BCAR3: variants seen among roughly 807,000 people sequenced by gnomAD.
BCAR3 encodes breast cancer anti-estrogen resistance protein 3.
In BCAR3, 37 loss-of-function variants were observed where a neutral mutation model predicts 80.1. The ratio of observed to expected loss-of-function variants is 0.46; its 90% confidence interval spans 0.36 to 0.61. The LOEUF is 0.61. BCAR3 is among the 20% of genes least tolerant of loss of function. The probability of loss-of-function intolerance (pLI) is 0.00; values close to 1 mark genes in which losing one functional copy is unlikely to be tolerated. For synonymous variants in BCAR3, 389 were observed against 418.9 expected (o/e 0.93, Z 0.87); for missense variants, 978 against 1,068.2 (o/e 0.92, Z 1.18).
intron 2 of BCAR3, among the ~76,000 whole-genome samples, chr1:93,787,817 C>A (rs984422300): frequency 6.6e-6 from 1 of 152,168 alleles, no homozygotes; most frequent in Non-Finnish European, 1.5e-5. Context: ...CTGTAAATAT[C>A]TGTTAAGTCC....
intron 2 of BCAR3, among the ~76,000 whole-genome samples, chr1:93,733,681 C>T (rs949756243): frequency 9.2e-5 from 14 of 152,178 alleles, no homozygotes; most frequent in Admixed American, 5.2e-4. Context: ...TGTGTGCACA[C>T]GCATGCACCT....
chr1:93,829,403 A>G (rs1436096827), intron 2 of BCAR3, among the ~76,000 whole-genome samples: 1 of 152,162 alleles, frequency 6.6e-6, no homozygotes, highest in Non-Finnish European at 1.5e-5. Flanking sequence ...GGGAGATGCC[A>G]TACTGAATGT....
intron 2 of BCAR3, among the ~76,000 whole-genome samples, chr1:93,664,865 G>A (rs1264651174): frequency 2.0e-5 from 3 of 152,220 alleles, no homozygotes; most frequent in African/African-American, 7.2e-5. Flanking sequence ...TCTGATAAAA[G>A]CAGATGCTTT....
rs976507088 is a variant in BCAR3, at chr1:93,609,663, T to C, written c.358-17270A>G. On this transcript the variant is annotated intron_variant, in intron 3 of 11. Transcript: ENST00000260502. ...CCCAGAAATGTGACCCATTGTGCTT[T>C]TTACCAAGTTCCTCCTCTAGCTCAC... Among the ~76,000 whole-genome samples the C allele has an allele frequency of 3.9e-5, 6 of 152,262 alleles. No individual in the cohort carries two copies. In the South Asian group the frequency reaches 6.2e-4, roughly 16 times the overall value.
intron 3 of BCAR3, among the ~76,000 whole-genome samples, chr1:93,626,173 GC>G (rs1675451695): frequency 1.3e-5 from 2 of 152,084 alleles, no homozygotes; most frequent in Admixed American, 1.3e-4. Flanking sequence ...CAAGGAACAG[GC>G]CCACAATTGA....
chr1:93,802,127 C>CA (rs112615765), intron 2 of BCAR3, among the ~76,000 whole-genome samples: 2,676 of 114,192 alleles, frequency 0.023, 89 homozygotes, highest in African/African-American at 0.075. Flanking sequence ...GACTCCATCT[C>CA]AAAAAAAAAA....
intron 3 of BCAR3, chr1:93,602,569 CA>C (rs1431371580): frequency 6.6e-6 from 1 of 152,204 alleles, no homozygotes; most frequent in East Asian, 1.9e-4. Flanking sequence ...CAAGTAAATC[CA>C]ACCCGAAATG....
chr1:93,721,792 G>C (rs1208982971), intron 2 of BCAR3, among the ~76,000 whole-genome samples: 1 of 152,176 alleles, frequency 6.6e-6, no homozygotes, highest in Non-Finnish European at 1.5e-5. Context: ...AAGTAGGGGA[G>C]GTGGCCTCTG....
intron 9 of BCAR3, chr1:93,571,428 G>A (rs1030026578): frequency 1.1e-5 from 5 of 451,024 alleles, no homozygotes; most frequent in Non-Finnish European, 2.0e-5. Context: ...AGCCTGGGAG[G>A]TGGAGGTTGC....
At position 93,612,532 on chromosome 1, in the gene BCAR3, T is replaced by C. The variant is rs906594670; in HGVS notation, c.358-20139A>G. On this transcript the variant is annotated intron_variant, in intron 3 of 11. Coordinates refer to ENST00000260502, the MANE Select transcript of BCAR3 (RefSeq NM_003567.4). The stretch of plus-strand genomic sequence containing the variant: ...GCTGACTCCCTCATACACCCAATGC[T>C]GAGTTGCACTTCACTGAATTAGCAG... Among the ~76,000 whole-genome samples, 6 of 152,194 alleles carry C rather than the reference T, an allele frequency of 3.9e-5. No individual in the cohort carries two copies. The East Asian group carries it at 1.2e-3, about 29-fold the overall frequency.
intron 3 of BCAR3, among the ~76,000 whole-genome samples, chr1:93,602,654 A>G (rs1674659548): frequency 6.6e-6 from 1 of 152,234 alleles, no homozygotes; most frequent in Non-Finnish European, 1.5e-5. Flanking sequence ...CCAAGTTTAC[A>G]ACCAAATTCT....
intron 11 of BCAR3, among the ~76,000 whole-genome samples, chr1:93,564,708 T>TC (rs1360148468): frequency 6.6e-6 from 1 of 152,228 alleles, no homozygotes; most frequent in Non-Finnish European, 1.5e-5. Context: ...GAGGTAAGGA[T>TC]CGAGATTCAC....
chr1:93,802,559 G>A (rs1653519600), intron 2 of BCAR3, among the ~76,000 whole-genome samples: 3 of 152,142 alleles, frequency 2.0e-5, no homozygotes, highest in Admixed American at 6.5e-5. Context: ...GGCCACTGAA[G>A]GTTTTCCCCT....
chr1:93,839,638 T>C (rs1045607905), intron 2 of BCAR3, among the ~76,000 whole-genome samples: 2 of 152,202 alleles, frequency 1.3e-5, no homozygotes, highest in Non-Finnish European at 2.9e-5. Context: ...TAGACACCAT[T>C]AGCAATATAA....
chr1:93,585,279 G>A (rs1673896799), intron 5 of BCAR3: 1 of 870,744 alleles, frequency 1.1e-6, no homozygotes, highest in African/African-American at 1.8e-5. Context: ...AGCCACTGAA[G>A]GACACTGGGG....
intron 2 of BCAR3, chr1:93,648,752 T>C (rs1481281500): frequency 6.6e-6 from 1 of 152,264 alleles, no homozygotes; most frequent in Non-Finnish European, 1.5e-5. Flanking sequence ...TTTCCTCTTC[T>C]GTCTGAGGCC....
At chr1:93,594,707 C>G (rs554352527) in intron 3 of BCAR3, 2 of 152,468 alleles carry the variant, frequency 1.3e-5, no homozygotes, top group South Asian at 4.1e-4. Flanking sequence ...ATCCCTTGTG[C>G]TGCACCCTGG....
At chr1:93,706,147 A>G (rs1308608798) in intron 2 of BCAR3, 1 of 152,342 alleles carries the variant, frequency 6.6e-6, no homozygotes. Flanking sequence ...CAGCTCCTGT[A>G]GTAGAATGCA....
chr1:93,762,919 T>C (rs373380523), intron 2 of BCAR3, among the ~76,000 whole-genome samples: 1 of 152,148 alleles, frequency 6.6e-6, no homozygotes, highest in Non-Finnish European at 1.5e-5. Context: ...GGCTCCCCCA[T>C]CTCTTGTCAA....
Sources: allele counts gnomAD v4.1 joint callset (sites outside exome capture counted in the v4.1 genomes callset), GRCh38; gene constraint gnomAD v4.1.1; transcripts MANE v1.5; gene names NCBI Gene and HGNC (gene_info 2026-07-23, HGNC 2026-07-21).